Variants in VPS13D observed in about 807,000 individuals in gnomAD.
The protein encoded by VPS13D is vacuolar protein sorting 13 homolog D.
In VPS13D, 187 loss-of-function variants were observed where a neutral mutation model predicts 461.9. That is an observed-to-expected ratio of 0.40 (90% confidence interval 0.36 to 0.46). The LOEUF is 0.46. Among genes scored for constraint, VPS13D ranks in the 20% least tolerant of loss-of-function variants. The pLI, the probability that VPS13D is intolerant of heterozygous loss-of-function variation, is 0.60. For missense variants in VPS13D, 4,711 were observed against 5,364.9 expected (o/e 0.88, Z 3.81); for synonymous variants, 1,951 against 1,986.3 (o/e 0.98, Z 0.47).
At chr1:12,243,931 A>C (rs1387830091) in intron 3 of VPS13D, among the ~76,000 whole-genome samples, 2 of 152,204 alleles carry the variant, frequency 1.3e-5, no homozygotes, top group African/African-American at 4.8e-5. Context: ...CCGGGGAAGA[A>C]AGACACCCTG....
At chr1:12,310,212 A>G (rs1297324269) in intron 27 of VPS13D, among the ~76,000 whole-genome samples, 1 of 152,012 alleles carries the variant, frequency 6.6e-6, no homozygotes, top group African/African-American at 2.4e-5. Context: ...GCTGAATGCA[A>G]GGTGTCCTGT....
At chr1:12,442,637 C>G (rs565465445) in intron 65 of VPS13D, among the ~76,000 whole-genome samples, 3 of 151,518 alleles carry the variant, frequency 2.0e-5, no homozygotes, top group South Asian at 2.1e-4. Context: ...GCTTTGTCAC[C>G]CAGGCTGGAG....
intron 10 of VPS13D, among the ~76,000 whole-genome samples, chr1:12,259,402 G>C (rs904207268): frequency 6.7e-6 from 1 of 149,404 alleles, no homozygotes; most frequent in Non-Finnish European, 1.5e-5. Flanking sequence ...TGCAACCTCT[G>C]CCTCCTTGGT....
At chr1:12,376,012 A>G (rs1644193604) in intron 55 of VPS13D, among the ~76,000 whole-genome samples, 1 of 152,212 alleles carries the variant, frequency 6.6e-6, no homozygotes, top group South Asian at 2.1e-4. Context: ...CCAAATTATG[A>G]TGAGCCTGGA....
intron 60 of VPS13D, among the ~76,000 whole-genome samples, chr1:12,396,059 C>T (rs1378987712): frequency 1.5e-5 from 2 of 134,348 alleles, no homozygotes; most frequent in African/African-American, 5.8e-5. Flanking sequence ...ATTAATAAGC[C>T]TCTAACCAGT....
intron 1 of VPS13D, among the ~76,000 whole-genome samples, chr1:12,230,497 G>A (rs1639927504): frequency 6.6e-6 from 1 of 152,124 alleles, no homozygotes. Flanking sequence ...CTGGCGCCCT[G>A]GAATTGGGGG....
intron 25 of VPS13D, among the ~76,000 whole-genome samples, chr1:12,303,388 T>C (rs532168801): frequency 4.9e-4 from 74 of 152,282 alleles, no homozygotes; most frequent in African/African-American, 1.7e-3. Flanking sequence ...GTTAATCTTC[T>C]CAAGCCACTG....
At chr1:12,433,970 G>GTGTGTGT (rs753888129) in intron 65 of VPS13D, among the ~76,000 whole-genome samples, 6 of 141,030 alleles carry the variant, frequency 4.3e-5, no homozygotes, top group African/African-American at 1.5e-4. Context: ...GTGTGTGTGT[G>GTGTGTGT]GAGGAGGAGG....
At chr1:12,321,323 G>C (rs1643030029) in intron 32 of VPS13D, among the ~76,000 whole-genome samples, 2 of 152,060 alleles carry the variant, frequency 1.3e-5, no homozygotes, top group African/African-American at 2.4e-5. Context: ...ATTTTGGTGT[G>C]TTTCTTTCCT....
intron 2 of VPS13D, among the ~76,000 whole-genome samples, chr1:12,235,468 G>A (rs1011879172): frequency 1.3e-5 from 2 of 152,036 alleles, no homozygotes; most frequent in African/African-American, 2.4e-5. Flanking sequence ...CCCACTACTC[G>A]GGAGGCTGAG....
intron 3 of VPS13D, 69 bp downstream of exon 3, chr1:12,242,659 C>T: frequency 7.2e-7 from 1 of 1,390,976 alleles, no homozygotes; most frequent in African/African-American, 1.4e-5. Context: ...AACTGAGAGC[C>T]CTGGAGTTTG....
At chr1:12,265,602 C>A (rs753195720) in intron 13 of VPS13D, among the ~76,000 whole-genome samples, 3 of 152,146 alleles carry the variant, frequency 2.0e-5, no homozygotes, top group South Asian at 2.1e-4. Context: ...GTCAAAATAT[C>A]AGCATTAACA....
chr1:12,461,525 C>A (rs2100419022), intron 67 of VPS13D, among the ~76,000 whole-genome samples: 1 of 152,220 alleles, frequency 6.6e-6, no homozygotes, highest in African/African-American at 2.4e-5. Flanking sequence ...TAAAACAATC[C>A]TTGAGTATAT....
chr1:12,358,502 C>T lies in VPS13D; in HGVS notation c.10042C>T (p.Pro3348Ser), dbSNP rs759847272. ...IGRGIHPEGM[P>S]GWCQGFSLDG... ...AAGGGGGATTCATCCAGAAGGCATG[C>T]CGGGCTGGTGTCAGGGCTTCTCCCT... Residue 3348 changes from proline to serine, a missense_variant, in exon 50 of 70, where the codon CCG (proline) becomes TCG (serine). Coordinates refer to ENST00000620676, the MANE Select transcript of VPS13D (RefSeq NM_015378.4). The T allele has an allele frequency of 6.2e-7, 1 of 1,614,188 alleles. No individual in the cohort carries two copies. The highest frequency in any genetic ancestry group is 8.5e-7 in the Non-Finnish European group (1 of 1,180,028).
At chr1:12,360,480 A>C (rs1472094997) in intron 50 of VPS13D, among the ~76,000 whole-genome samples, 1 of 152,166 alleles carries the variant, frequency 6.6e-6, no homozygotes, top group Non-Finnish European at 1.5e-5. Flanking sequence ...TAAGATGTGA[A>C]GGGGGAAAGA....
chr1:12,506,750 G>T (rs193098541), intron 68 of VPS13D, 103 bp from the exon 69 acceptor site: 115 of 1,445,602 alleles, frequency 8.0e-5, no homozygotes, highest in Admixed American at 1.5e-4. Context: ...AGGGGGCCGG[G>T]ATTCGCACTC....
Position 12,304,642 on chromosome 1 carries a change from T to G in VPS13D, c.6353T>G (p.Leu2118Arg). 6.2e-7 allele frequency: 1 copy of G among 1,614,012 alleles called. No homozygotes were observed. The highest frequency in any genetic ancestry group is 1.7e-5 in the Admixed American group (1 of 60,012). The change falls in exon 26 of 70, where the codon CTG (leucine) becomes CGG (arginine). Residue 2118 changes from leucine (L) to arginine (R), a missense_variant. This residue lies in a region of VPS13D where 4,411 missense variants were observed against 4,937.8 expected (regional missense o/e 0.89). Transcript: ENST00000620676. ...MPLAGMSLGS[L>R]KSEFVPSTST... ...CTTGCTGGAATGAGCCTAGGAAGCC[T>G]GAAGAGTGAGTTTGTGCCCAGTACC...
At position 12,401,441 on chromosome 1, in the gene VPS13D, G is replaced by A. The variant is rs1275557784; in HGVS notation, c.11785-167G>A. Among the ~76,000 whole-genome samples, 2 of 152,164 alleles carry A rather than the reference G, an allele frequency of 1.3e-5. 1 individual carries two copies. Among genetic ancestry groups the A allele is most frequent in the African/African-American group, 4.8e-5 (2 of 41,428 alleles). On this transcript the variant is annotated intron_variant, in intron 61 of 69. Coordinates refer to ENST00000620676, the MANE Select transcript of VPS13D (RefSeq NM_015378.4). ...TATTAAACATCTTTTGGAGTTTTTA[G>A]TTAATCATAACAATATAGAGAGAGA...
chr1:12,439,309 C>T (rs1033181935), intron 65 of VPS13D, among the ~76,000 whole-genome samples: 2 of 152,118 alleles, frequency 1.3e-5, no homozygotes, highest in Admixed American at 1.3e-4. Context: ...TGCCTTCAAA[C>T]GTCCACTCCA....
Sources: gnomAD v4.1 joint callset for allele counts (sites outside exome capture counted in the v4.1 genomes callset) on GRCh38, gnomAD v4.1.1 for gene constraint, gnomAD v4.1.1 regional missense constraint, MANE v1.5 for transcripts, NCBI Gene and HGNC (gene_info 2026-07-23, HGNC 2026-07-21) for gene names.